The following FMNL2 variants were observed in gnomAD, a reference collection of about 807,000 sequenced individuals.
FMNL2 encodes formin-like protein 2.
Under a neutral mutation model 130.2 loss-of-function variants are expected in FMNL2, and 51 were observed. The observed-to-expected ratio is 0.39, with a 90% CI of 0.31 to 0.49. The LOEUF (loss-of-function observed/expected upper bound fraction) is 0.49. Among genes scored for constraint, FMNL2 ranks in the 20% least tolerant of loss-of-function variants. The probability of loss-of-function intolerance (pLI) is 0.85; values close to 1 mark genes in which losing one functional copy is unlikely to be tolerated. For synonymous variants in FMNL2, 465 were observed against 467.1 expected (o/e 1.00, Z 0.06); for missense variants, 977 against 1,316.2 (o/e 0.74, Z 3.99).
chr2:152,639,672 G>A (rs1053586907), intron 23 of FMNL2, among the ~76,000 whole-genome samples: 1 of 152,148 alleles, frequency 6.6e-6, no homozygotes, highest in African/African-American at 2.4e-5. Context: ...GATGGTAGGT[G>A]CCCACCAGTG....
At chr2:152,599,827 A>G (rs1471164249) in intron 9 of FMNL2, among the ~76,000 whole-genome samples, 2 of 152,200 alleles carry the variant, frequency 1.3e-5, no homozygotes, top group African/African-American at 4.8e-5. Context: ...AAGGTTGTTC[A>G]GTTTCAGAGC....
At chr2:152,490,908 A>G (rs1691148487) in intron 1 of FMNL2, among the ~76,000 whole-genome samples, 1 of 152,026 alleles carries the variant, frequency 6.6e-6, no homozygotes, top group Admixed American at 6.6e-5. Context: ...AACGGGAAAA[A>G]ACATCATCTT....
chr2:152,526,033 T>G (rs1693367830), intron 2 of FMNL2, among the ~76,000 whole-genome samples: 1 of 152,242 alleles, frequency 6.6e-6, no homozygotes, highest in African/African-American at 2.4e-5. Context: ...CCATTGGAAT[T>G]AAATTTTCTA....
At chr2:152,507,400 A>G (rs150055078) in intron 1 of FMNL2, among the ~76,000 whole-genome samples, 2 of 152,324 alleles carry the variant, frequency 1.3e-5, no homozygotes, top group African/African-American at 4.8e-5. Context: ...CTGAATAGCT[A>G]AAGTTTATTG....
At chr2:152,551,719 AATAG>A (rs879813640) in intron 4 of FMNL2, among the ~76,000 whole-genome samples, 7 of 152,210 alleles carry the variant, frequency 4.6e-5, no homozygotes, top group Non-Finnish European at 7.3e-5. Flanking sequence ...AAAATACTGT[AATAG>A]ATAGATAATT....
At chr2:152,534,810 C>T (rs1693904217) in intron 2 of FMNL2, among the ~76,000 whole-genome samples, 2 of 152,210 alleles carry the variant, frequency 1.3e-5, no homozygotes, top group East Asian at 1.9e-4. Flanking sequence ...AATAAATTCT[C>T]GCTAGTCTAA....
chr2:152,377,855 G>C (rs763136323), intron 1 of FMNL2, among the ~76,000 whole-genome samples: 39 of 152,246 alleles, frequency 2.6e-4, no homozygotes, highest in Admixed American at 7.9e-4. Flanking sequence ...AGATGGGCTG[G>C]GTGTGGTGGC....
At chr2:152,432,694 C>T (rs1687561252) in intron 1 of FMNL2, among the ~76,000 whole-genome samples, 1 of 152,204 alleles carries the variant, frequency 6.6e-6, no homozygotes, top group Non-Finnish European at 1.5e-5. Context: ...TTGGATGTTC[C>T]TTCTGAGGTT....
chr2:152,494,409 C>T (rs2105297084), intron 1 of FMNL2, among the ~76,000 whole-genome samples: 1 of 152,288 alleles, frequency 6.6e-6, no homozygotes, highest in Non-Finnish European at 1.5e-5. Flanking sequence ...TTATAAACTA[C>T]ACAAAGAGCA....
intron 1 of FMNL2, among the ~76,000 whole-genome samples, chr2:152,470,939 C>T (rs971205723): frequency 2.0e-5 from 3 of 152,144 alleles, no homozygotes; most frequent in Non-Finnish European, 2.9e-5. Flanking sequence ...TTAATAAAGG[C>T]TATTAATTTA....
chr2:152,607,389 T>C lies in FMNL2; in HGVS notation c.927T>C (p.Asn309=). Residue 309 remains asparagine (N), a synonymous_variant, in exon 10 of 26, where the codon AAT becomes AAC. Coordinates refer to ENST00000288670, the MANE Select transcript of FMNL2 (RefSeq NM_052905.4). ...AGAAGTTGATGGAACATTTCAGGAATGAAGACAATAACATAGATTTTATGG... is the reference window on the plus strand; with the variant it reads ...AGAAGTTGATGGAACATTTCAGGAACGAAGACAATAACATAGATTTTATGG... The part of the protein sequence containing the change: ...RFEKLMEHFR[N]EDNNIDFMVA... 1 of 1,613,378 alleles carries C rather than the reference T, an allele frequency of 6.2e-7. No homozygotes were observed. The highest frequency in any genetic ancestry group is 2.2e-5 in the East Asian group (1 of 44,836).
intron 6 of FMNL2, among the ~76,000 whole-genome samples, chr2:152,573,457 C>T (rs1233064050): frequency 6.6e-6 from 1 of 152,146 alleles, no homozygotes; most frequent in Non-Finnish European, 1.5e-5. Flanking sequence ...TCCTAAATCG[C>T]AGTGAGGAGA....
chr2:152,485,124 T>C (rs914707136), intron 1 of FMNL2, among the ~76,000 whole-genome samples: 4 of 152,130 alleles, frequency 2.6e-5, no homozygotes, highest in Admixed American at 6.6e-5. Context: ...GGTGGGAGGA[T>C]TGCATGAGCT....
chr2:152,603,124 A>G (rs1698174880), intron 9 of FMNL2, among the ~76,000 whole-genome samples: 1 of 152,172 alleles, frequency 6.6e-6, no homozygotes, highest in Non-Finnish European at 1.5e-5. Flanking sequence ...TTCCTTCCTC[A>G]GAAACAAAGT....
intron 9 of FMNL2, among the ~76,000 whole-genome samples, chr2:152,595,834 G>A (rs968327858): frequency 2.0e-5 from 3 of 147,166 alleles, no homozygotes; most frequent in Non-Finnish European, 4.5e-5. Context: ...GCCTTATAAT[G>A]AGTCTAATGT....
intron 2 of FMNL2, among the ~76,000 whole-genome samples, chr2:152,538,969 C>G (rs550812627): frequency 6.6e-6 from 1 of 152,252 alleles, no homozygotes; most frequent in East Asian, 1.9e-4. Context: ...ATATTTTTCC[C>G]TCTAAATATT....
At chr2:152,580,842 T>G (rs1411345018) in intron 8 of FMNL2, 114 bp from the exon 9 acceptor site, 7 of 949,020 alleles carry the variant, frequency 7.4e-6, no homozygotes, top group Non-Finnish European at 1.1e-5. Context: ...TTAGTAAAAT[T>G]TTTTAAAAAT....
intron 9 of FMNL2, 45 bp downstream of exon 9, chr2:152,581,094 A>T: frequency 1.3e-6 from 2 of 1,527,156 alleles, no homozygotes; most frequent in African/African-American, 2.7e-5. Flanking sequence ...CACATCTTAC[A>T]TTTGGACATC....
chr2:152,559,729 G>A (rs1695420260), intron 5 of FMNL2, among the ~76,000 whole-genome samples: 1 of 152,202 alleles, frequency 6.6e-6, no homozygotes, highest in Admixed American at 6.5e-5. Flanking sequence ...TCAATGCCAC[G>A]AGTGATTTCA....
Sources: gnomAD v4.1 joint callset for allele counts (sites outside exome capture counted in the v4.1 genomes callset) on GRCh38, gnomAD v4.1.1 for gene constraint, MANE v1.5 for transcripts, NCBI Gene and HGNC (gene_info 2026-07-23, HGNC 2026-07-21) for gene names.